Variants in GNB1 observed in about 807,000 individuals in gnomAD.
GNB1 encodes guanine nucleotide-binding protein G(I)/G(S)/G(T) subunit beta-1.
Under a neutral mutation model 42.9 loss-of-function variants are expected in GNB1, and 2 were observed. That is an observed-to-expected ratio of 0.05 (90% CI 0.02 to 0.15). The LOEUF (loss-of-function observed/expected upper bound fraction) is 0.15. Ranked by LOEUF, GNB1 falls within the 10% of genes least tolerant of loss-of-function variation. GNB1 has a pLI of 1.00. For missense variants in GNB1, 193 were observed against 462.2 expected, an observed-to-expected ratio of 0.42 and a Z score of 5.34; for synonymous variants, 183 against 174.7, an observed-to-expected ratio of 1.05 and a Z score of -0.38.
chr1:1,847,138 G>A (rs1373539030), intron 1 of GNB1, among the ~76,000 whole-genome samples: 2 of 152,326 alleles, frequency 1.3e-5, no homozygotes, highest in South Asian at 2.1e-4. Context: ...CAGCACTGAA[G>A]GCAGGCAGGG....
At chr1:1,856,708 G>A (rs1335626449) in intron 1 of GNB1, among the ~76,000 whole-genome samples, 1 of 152,140 alleles carries the variant, frequency 6.6e-6, no homozygotes, top group Non-Finnish European at 1.5e-5. Context: ...TTACAGGCAT[G>A]AGCCACTGCG....
At chr1:1,868,434 C>T (rs924117841) in intron 1 of GNB1, among the ~76,000 whole-genome samples, 1 of 152,060 alleles carries the variant, frequency 6.6e-6, no homozygotes, top group Non-Finnish European at 1.5e-5. Context: ...CCTCCCAAAG[C>T]GCTGGGATTA....
chr1:1,793,502 C>G (rs1362180486), intron 7 of GNB1, 191 bp from the exon 8 acceptor site: 2 of 472,058 alleles, frequency 4.2e-6, no homozygotes, highest in East Asian at 6.6e-5. Context: ...GGGTGAGAGC[C>G]TGGCCAGGCA....
At chr1:1,879,522 C>G (rs549444665) in intron 1 of GNB1, among the ~76,000 whole-genome samples, 29 of 152,062 alleles carry the variant, frequency 1.9e-4, no homozygotes, top group African/African-American at 7.0e-4. Flanking sequence ...CTGCCTAACA[C>G]GGTGAAACCC....
At chr1:1,865,058 C>A (rs201344128) in intron 1 of GNB1, among the ~76,000 whole-genome samples, 1 of 151,128 alleles carries the variant, frequency 6.6e-6, no homozygotes, top group Non-Finnish European at 1.5e-5. Context: ...GTCAGGAGAT[C>A]GAGACCATCC....
In GNB1 at chr1:1,852,659, G is replaced by A. The variant is rs561804161; in HGVS notation, c.-95-13421C>T. 4.6e-5 allele frequency among the ~76,000 whole-genome samples: 7 copies of A among 151,882 alleles called. No individual in the cohort carries two copies. In the South Asian group the frequency reaches 1.5e-3, roughly 32 times the overall value. The stretch of plus-strand genomic sequence containing the variant: ...GCAGCGAGCCACTGTATGTCAGCCT[G>A]GGCAACAGTGAGACTCTGTCTCTTA... On this transcript the variant is annotated intron_variant, in intron 1 of 11. Coordinates refer to ENST00000378609, the MANE Select transcript of GNB1 (RefSeq NM_002074.5).
intron 1 of GNB1, among the ~76,000 whole-genome samples, chr1:1,868,755 G>A (rs2101745703): frequency 6.6e-6 from 1 of 152,058 alleles, no homozygotes; most frequent in South Asian, 2.1e-4. Context: ...ACTCCAGCCT[G>A]GGTGACAGAG....
chr1:1,852,797 C>T (rs1200624035), intron 1 of GNB1, among the ~76,000 whole-genome samples: 1 of 152,104 alleles, frequency 6.6e-6, no homozygotes, highest in Non-Finnish European at 1.5e-5. Flanking sequence ...CCAGCAACAG[C>T]CCCTCATCCT....
chr1:1,811,961 G>T (rs1012118544), intron 5 of GNB1, among the ~76,000 whole-genome samples: 41 of 151,784 alleles, frequency 2.7e-4, no homozygotes, highest in Non-Finnish European at 5.4e-4. Flanking sequence ...AGCTACTCGG[G>T]AGGCTGAGGC....
At chr1:1,850,579 C>G (rs1033774333) in intron 1 of GNB1, among the ~76,000 whole-genome samples, 1 of 152,028 alleles carries the variant, frequency 6.6e-6, no homozygotes, top group Non-Finnish European at 1.5e-5. Flanking sequence ...TAAAGAATCT[C>G]TAACATTTCA....
Position 1,817,009 on chromosome 1 carries a change from T to C in GNB1, c.96+828A>G, listed in dbSNP as rs572334255. Among the ~76,000 whole-genome samples, 9 of 149,120 alleles carry C rather than the reference T, an allele frequency of 6.0e-5. No individual in the cohort carries two copies. In the South Asian group the frequency reaches 1.7e-3, roughly 28 times the overall value. ...AGTTCAGTGGCATTTAGTACACTCATTGTTGTAAAACCACTGCCACCATCT... is the reference window on the plus strand; with the variant it reads ...AGTTCAGTGGCATTTAGTACACTCACTGTTGTAAAACCACTGCCACCATCT... On this transcript the variant is annotated intron_variant, in intron 4 of 11. Transcript: ENST00000378609.
At chr1:1,804,331 G>T (rs1466380977) in intron 7 of GNB1, 88 bp downstream of exon 7, 1 of 816,268 alleles carries the variant, frequency 1.2e-6, no homozygotes. Context: ...ATTAAAAAAT[G>T]ATTGATAAAA....
In GNB1 at chr1:1,804,306, ATAAT is replaced by A. The variant is rs538570201; in HGVS notation, c.430+109_430+112del. 7.4e-3 allele frequency: 5,594 copies of A among 757,940 alleles called. 53 individuals carry two copies. Among genetic ancestry groups the A allele is most frequent in the Admixed American group, 0.022 (847 of 38,324 alleles). 47.0% of individuals were successfully genotyped at this position (757,940 alleles called of 1,614,324 possible). A position where few individuals can be genotyped will look rare whatever the true frequency, so the allele number is the denominator to read the frequency against. ...AGAGCGAGACTCCGCCTCAAAAAAA[ATAAT>A]TAATTAATTAATTAAAAAATGATTG... On this transcript the variant is annotated intron_variant, in intron 7 of 11. Coordinates refer to ENST00000378609, the MANE Select transcript of GNB1 (RefSeq NM_002074.5).
At chr1:1,814,816 A>G (rs946561531) in intron 5 of GNB1, among the ~76,000 whole-genome samples, 66 of 60,280 alleles carry the variant, frequency 1.1e-3, no homozygotes, top group South Asian at 3.3e-3. Context: ...AAAAAAAAAA[A>G]AAAAGAAAAA....
intron 2 of GNB1, among the ~76,000 whole-genome samples, chr1:1,830,157 C>A (rs1647055937): frequency 6.6e-6 from 1 of 152,180 alleles, no homozygotes; most frequent in Admixed American, 6.6e-5. Context: ...TACTAACCCC[C>A]CTACACACCA....
chr1:1,890,998 G>C lies in GNB1; in HGVS notation c.-274C>G, dbSNP rs991071019. The stretch of plus-strand genomic sequence containing the variant: ...CCACTCCCGGCCCCGCTCCCCACTC[G>C]CCGCCCGCTCCCGCTCCCGCCGCCG... On this transcript the variant is annotated 5_prime_UTR_variant, in exon 1 of 12. Transcript: ENST00000378609. The C allele has an allele frequency of 1.3e-5, 2 of 151,526 alleles. No homozygotes were observed. The highest frequency in any genetic ancestry group is 2.9e-5 in the Non-Finnish European group (2 of 69,130). The allele number at this position is 151,526 out of a possible 1,614,324, so 9.4% of individuals were successfully genotyped here. A position where few individuals can be genotyped will look rare whatever the true frequency, so the allele number is the denominator to read the frequency against.
At chr1:1,842,302 C>A (rs1238643433) in intron 1 of GNB1, among the ~76,000 whole-genome samples, 1 of 152,064 alleles carries the variant, frequency 6.6e-6, no homozygotes, top group Admixed American at 6.6e-5. Flanking sequence ...TGGTGGCGGG[C>A]GTCTGTAGTC....
chr1:1,854,665 G>T (rs982686877), intron 1 of GNB1, among the ~76,000 whole-genome samples: 1 of 152,204 alleles, frequency 6.6e-6, no homozygotes, highest in Non-Finnish European at 1.5e-5. Flanking sequence ...CCACCTACTA[G>T]CGAGGCTGAG....
intron 1 of GNB1, among the ~76,000 whole-genome samples, chr1:1,884,150 A>T (rs1238999607): frequency 1.5e-5 from 2 of 134,104 alleles, no homozygotes; most frequent in South Asian, 2.4e-4. Context: ...TTTTTTTTTG[A>T]GATGGAGTTT....
Sources: gnomAD v4.1 joint callset for allele counts (sites outside exome capture counted in the v4.1 genomes callset) on GRCh38, gnomAD v4.1.1 for gene constraint, MANE v1.5 for transcripts, NCBI Gene and HGNC (gene_info 2026-07-23, HGNC 2026-07-21) for gene names.